VPS50: variants seen among roughly 807,000 people sequenced by gnomAD.
VPS50 encodes VPS50 subunit of EARP/GARPII complex, also known as syndetin.
Under a neutral mutation model 139.7 loss-of-function variants are expected in VPS50, and 70 were observed. The observed-to-expected ratio is 0.50, with a 90% confidence interval of 0.41 to 0.61. The LOEUF (loss-of-function observed/expected upper bound fraction) is 0.61. VPS50 is among the 20% of genes least tolerant of loss of function. VPS50 has a pLI of 0.00. For missense variants in VPS50, 921 were observed against 1,133.7 expected (o/e 0.81, Z 2.69); for synonymous variants, 365 against 376.7 (o/e 0.97, Z 0.36).
intron 25 of VPS50, among the ~76,000 whole-genome samples, chr7:93,352,813 C>T (rs1798596527): frequency 6.6e-6 from 1 of 152,058 alleles, no homozygotes; most frequent in African/African-American, 2.4e-5. Context: ...TAAAAATATT[C>T]AGTTTTTCTG....
At chr7:93,317,412 T>C (rs925962837) in intron 20 of VPS50, among the ~76,000 whole-genome samples, 48 of 151,944 alleles carry the variant, frequency 3.2e-4, no homozygotes, top group Admixed American at 3.1e-3. Flanking sequence ...TAGCCAGATG[T>C]GGTGGGGCAC....
At chr7:93,327,308 C>T (rs933792457) in intron 21 of VPS50, among the ~76,000 whole-genome samples, 1 of 152,050 alleles carries the variant, frequency 6.6e-6, no homozygotes, top group Non-Finnish European at 1.5e-5. Flanking sequence ...TATAAATAGC[C>T]ACGTGTGACT....
rs139777668 is a variant in VPS50, at chr7:93,254,351, C to T, written c.297+420C>T. 1.8e-4 allele frequency among the ~76,000 whole-genome samples: 28 copies of T among 152,326 alleles called. No homozygotes were observed. The East Asian group carries it at 4.4e-3, about 24-fold the overall frequency. On this transcript the variant is annotated intron_variant, in intron 4 of 27. Transcript: ENST00000305866. ...ATTGCACGATCATGGCTCACTGCAG[C>T]CTCTCCCTCCTGGACTCAAATAATC...
chr7:93,338,937 G>T (rs1419451702), intron 22 of VPS50, among the ~76,000 whole-genome samples: 1 of 152,150 alleles, frequency 6.6e-6, no homozygotes, highest in African/African-American at 2.4e-5. Context: ...GTAACATCCG[G>T]AAGGAACAAA....
intron 12 of VPS50, 33 bp from the exon 13 acceptor site, chr7:93,291,670 A>T: frequency 7.9e-7 from 1 of 1,267,940 alleles, no homozygotes; most frequent in Non-Finnish European, 1.1e-6. Context: ...TAAACATAAT[A>T]ATTTGAAAGT....
At chr7:93,260,252 T>C (rs1795624689) in intron 9 of VPS50, among the ~76,000 whole-genome samples, 1 of 152,224 alleles carries the variant, frequency 6.6e-6, no homozygotes, top group Non-Finnish European at 1.5e-5. Context: ...GGATTTGCAT[T>C]GCTTGTGACA....
At position 93,359,151 on chromosome 7, in the gene VPS50, A is replaced by G. The variant is rs1798784617; in HGVS notation, c.*715A>G. ...CCAATGGTGAAAAGTAATTTCATTG[A>G]GGGTACCTTTTCAATGCCTGAGTAG... On this transcript the variant is annotated 3_prime_UTR_variant, in exon 28 of 28. Transcript: ENST00000305866. 1 of 152,266 alleles carries G rather than the reference A, an allele frequency of 6.6e-6. No individual in the cohort carries two copies. The highest frequency in any genetic ancestry group is 1.9e-4 in the East Asian group (1 of 5,174). The allele number at this position is 152,266 out of a possible 1,614,324, so 9.4% of individuals were successfully genotyped here. A position where few individuals can be genotyped will look rare whatever the true frequency, so the allele number is the denominator to read the frequency against.
At position 93,252,704 on chromosome 7, in the gene VPS50, G is replaced by C; in HGVS notation, c.154G>C (p.Glu52Gln). 6 of 1,598,170 alleles carry C rather than the reference G, an allele frequency of 3.8e-6. No individual in the cohort carries two copies. The highest frequency in any genetic ancestry group is 5.1e-6 in the Non-Finnish European group (6 of 1,167,792). ...GCCAAGTGACCCTCAAGCTGAACAA[G>C]AGCTTATTAATAGTATTGAACAAGT... ...EQPSDPQAEQ[E>Q]LINSIEQVYF... Residue 52 changes from glutamate to glutamine, a missense_variant, in exon 3 of 28, where the codon GAG becomes CAG. Glu to Gln is a conservative substitution (Grantham distance 29). This residue lies in a region of VPS50 where 744 missense variants were observed against 930.6 expected (regional missense o/e 0.80). Coordinates refer to ENST00000305866, the MANE Select transcript of VPS50 (RefSeq NM_017667.4).
chr7:93,297,261 A>ATC lies in VPS50; in HGVS notation c.1361+19_1361+20insCT, dbSNP rs1233341422. The ATC allele has an allele frequency of 6.6e-7, 1 of 1,515,834 alleles. No individual in the cohort carries two copies. The allele number at this position is 1,515,834 out of a possible 1,614,324, so 93.9% of individuals were successfully genotyped here. A position where few individuals can be genotyped will look rare whatever the true frequency, so the allele number is the denominator to read the frequency against. On this transcript the variant is annotated intron_variant, in intron 16 of 27. Coordinates refer to ENST00000305866, the MANE Select transcript of VPS50 (RefSeq NM_017667.4). Reference sequence around the variant, plus strand: ...TACCATAGGTAAGAACTCTAATAAGATATGAATCGACTTATTTAGGTAATG... The same window carrying ATC: ...TACCATAGGTAAGAACTCTAATAAGATCTATGAATCGACTTATTTAGGTAATG...
At position 93,357,611 on chromosome 7, in the gene VPS50, ATTTTC is replaced by A. The variant is rs1342508999; in HGVS notation, c.2776-698_2776-694del. ...TAGTGGTTACCTTCAATAAAGACAC[ATTTTC>A]TTTTCTTATTAGATAATAGTACACA... On this transcript the variant is annotated intron_variant, in intron 27 of 27. Transcript: ENST00000305866. Among the ~76,000 whole-genome samples the A allele has an allele frequency of 2.0e-5, 3 of 152,116 alleles. No individual in the cohort carries two copies. In the East Asian group the frequency reaches 5.8e-4, roughly 29 times the overall value.
In VPS50 at chr7:93,330,867, C is replaced by T. The variant is rs186567399; in HGVS notation, c.1978-3250C>T. Among the ~76,000 whole-genome samples, 161 of 151,450 alleles carry T rather than the reference C, an allele frequency of 1.1e-3. No individual in the cohort carries two copies. The Middle Eastern group carries it at 0.024, about 23-fold the overall frequency. On this transcript the variant is annotated intron_variant, in intron 21 of 27. Transcript: ENST00000305866. ...TGGATTGGAAAAGAAGTTAGGTTGT[C>T]CTTAATTGCAGATGACATGGGAAAC...
chr7:93,291,686 CT>C lies in VPS50; in HGVS notation c.943-15del. 1 of 1,426,572 alleles carries C rather than the reference CT, an allele frequency of 7.0e-7. No homozygotes were observed. The highest frequency in any genetic ancestry group is 9.4e-7 in the Non-Finnish European group (1 of 1,061,760). The allele number at this position is 1,426,572 out of a possible 1,614,324, so 88.4% of individuals were successfully genotyped here. A position where few individuals can be genotyped will look rare whatever the true frequency, so the allele number is the denominator to read the frequency against. On this transcript the variant is annotated splice_polypyrimidine_tract_variant and intron_variant, in intron 12 of 27. Coordinates refer to ENST00000305866, the MANE Select transcript of VPS50 (RefSeq NM_017667.4). The stretch of plus-strand genomic sequence containing the variant: ...AAACATAATAATTTGAAAGTTGTCT[CT>C]TATCATTTTCTTTAGCATGTTACAC...
chr7:93,358,577 T>C lies in VPS50; in HGVS notation c.*141T>C. On this transcript the variant is annotated 3_prime_UTR_variant, in exon 28 of 28. Coordinates refer to ENST00000305866, the MANE Select transcript of VPS50 (RefSeq NM_017667.4). ...TTTTTGACTGGAAAGTGGAAAATATTGAAATGTGTGTGGTGTTCTCATGAC... is the reference window on the plus strand; with the variant it reads ...TTTTTGACTGGAAAGTGGAAAATATCGAAATGTGTGTGGTGTTCTCATGAC... 1.4e-6 allele frequency: 1 copy of C among 690,332 alleles called. No individual in the cohort carries two copies. Among genetic ancestry groups the C allele is most frequent in the Non-Finnish European group, 2.5e-6 (1 of 400,274 alleles). The allele number at this position is 690,332 out of a possible 1,614,324, so 42.8% of individuals were successfully genotyped here.
chr7:93,253,710 G>A (rs1372647629), intron 3 of VPS50, 150 bp from the exon 4 acceptor site: 2 of 528,446 alleles, frequency 3.8e-6, no homozygotes. Context: ...CTAGGAGGGA[G>A]GTTGGGAGGA....
intron 12 of VPS50, among the ~76,000 whole-genome samples, chr7:93,281,926 T>C: frequency 6.6e-6 from 1 of 152,076 alleles, no homozygotes; most frequent in Non-Finnish European, 1.5e-5. Context: ...TTTTTCCGGC[T>C]GGGCGCGGTG....
intron 22 of VPS50, among the ~76,000 whole-genome samples, chr7:93,338,860 T>G (rs918063993): frequency 1.3e-5 from 2 of 152,126 alleles, no homozygotes; most frequent in African/African-American, 4.8e-5. Flanking sequence ...GAGACAGAGC[T>G]CTCTATTCAT....
chr7:93,352,393 G>A (rs1027153028), intron 25 of VPS50, among the ~76,000 whole-genome samples: 16 of 152,206 alleles, frequency 1.1e-4, no homozygotes, highest in East Asian at 1.9e-4. Flanking sequence ...TAAAAGCAAC[G>A]AATTGTTAAA....
chr7:93,269,527 C>T (rs772884111), intron 9 of VPS50, among the ~76,000 whole-genome samples: 4 of 152,076 alleles, frequency 2.6e-5, no homozygotes, highest in Non-Finnish European at 5.9e-5. Context: ...TCTAATTCCT[C>T]TAGATGTTTG....
At chr7:93,329,180 T>C (rs73219922) in intron 21 of VPS50, among the ~76,000 whole-genome samples, 3,777 of 152,228 alleles carry the variant, frequency 0.025, 77 homozygotes, top group Non-Finnish European at 0.038. Flanking sequence ...TTTATCCTTG[T>C]CTTCAATGAA....
Sources: gnomAD v4.1 joint callset for allele counts (sites outside exome capture counted in the v4.1 genomes callset) on GRCh38, gnomAD v4.1.1 for gene constraint, gnomAD v4.1.1 regional missense constraint, MANE v1.5 for transcripts, NCBI Gene and HGNC (gene_info 2026-07-23, HGNC 2026-07-21) for gene names.